The following LRRIQ4 variants were observed in gnomAD, a reference collection of about 807,000 sequenced individuals.
LRRIQ4 encodes leucine-rich repeat and IQ domain-containing protein 4.
A neutral mutation model predicts 40.1 loss-of-function variants in LRRIQ4; 21 were observed. That is an observed-to-expected ratio of 0.52 (90% CI 0.37 to 0.75). LRRIQ4 has a LOEUF of 0.75. Among genes scored for constraint, LRRIQ4 ranks in the 30% least tolerant of loss-of-function variants. The pLI, the probability that LRRIQ4 is intolerant of heterozygous loss-of-function variation, is 0.00. For missense variants in LRRIQ4, 655 were observed against 660.0 expected (o/e 0.99, Z 0.08); for synonymous variants, 277 against 277.1 (o/e 1.00, Z 0.00).
In LRRIQ4 at chr3:169,822,113, C is replaced by G. The variant is rs370504348; in HGVS notation, c.192C>G (p.Pro64=). The change falls in exon 2 of 6, where the codon CCC becomes CCG. Residue 64 remains proline, a synonymous_variant. Coordinates refer to ENST00000340806, the MANE Select transcript of LRRIQ4 (RefSeq NM_001080460.3). The part of the protein sequence containing the change: ...HLENNQIEEI[P]QEIQRLKNIR... ...AGAATAACCAGATTGAAGAAATTCC[C>G]CAGGAGATTCAGCGTTTAAAGAACA... 2.9e-5 allele frequency: 47 copies of G among 1,611,754 alleles called. No individual in the cohort carries two copies. Among genetic ancestry groups the G allele is most frequent in the Non-Finnish European group, 3.3e-5 (39 of 1,179,442 alleles).
Position 169,822,907 on chromosome 3 carries a change from A to G in LRRIQ4, c.986A>G (p.Glu329Gly). The change falls in exon 2 of 6, where the codon GAA (glutamate) becomes GGA (glycine). Residue 329 changes from glutamate to glycine, a missense_variant. Physicochemically the swap from Glu to Gly is moderately conservative, Grantham distance 98. Coordinates refer to ENST00000340806, the MANE Select transcript of LRRIQ4 (RefSeq NM_001080460.3). ...PLQICALKNL[E>G]VLGLDDNKIG... ...CAGATCTGTGCACTGAAGAACCTTG[A>G]AGTCCTGGGACTGGATGACAATAAA... The G allele has an allele frequency of 6.4e-7, 1 of 1,558,388 alleles. No homozygotes were observed. The highest frequency in any genetic ancestry group is 8.7e-7 in the Non-Finnish European group (1 of 1,155,404).
intron 1 of LRRIQ4, among the ~76,000 whole-genome samples, chr3:169,821,654 T>A (rs1779892991): frequency 6.6e-6 from 1 of 151,654 alleles, no homozygotes; most frequent in Non-Finnish European, 1.5e-5. Flanking sequence ...AATAAATAAA[T>A]AAATAAATAA....
At position 169,832,941 on chromosome 3, in the gene LRRIQ4, T is replaced by C. The variant is rs201037119; in HGVS notation, c.1334-46T>C. On this transcript the variant is annotated intron_variant, in intron 4 of 5. Coordinates refer to ENST00000340806, the MANE Select transcript of LRRIQ4 (RefSeq NM_001080460.3). ...GACAGGATTAGGTGACAAGTTAATATTGTTTCTTCTAAGATTGAACCACCA... is the reference window on the plus strand; with the variant it reads ...GACAGGATTAGGTGACAAGTTAATACTGTTTCTTCTAAGATTGAACCACCA... 1.3e-4 allele frequency: 192 copies of C among 1,525,622 alleles called. No homozygotes were observed. In the African/African-American group the frequency reaches 2.4e-3, roughly 19 times the overall value. 94.5% of individuals were successfully genotyped at this position (1,525,622 alleles called of 1,614,324 possible).
chr3:169,820,990 C>CA (rs1378666541), intron 1 of LRRIQ4, among the ~76,000 whole-genome samples: 2 of 152,188 alleles, frequency 1.3e-5, no homozygotes, highest in Admixed American at 6.5e-5. Context: ...AAAAGTTTGG[C>CA]AGGTTTATTC....
At chr3:169,823,726 A>G (rs1345962146) in intron 2 of LRRIQ4, among the ~76,000 whole-genome samples, 1 of 152,198 alleles carries the variant, frequency 6.6e-6, no homozygotes, top group African/African-American at 2.4e-5. Flanking sequence ...CAACAGCCTT[A>G]GAAGCCTAAA....
At chr3:169,823,230 T>C (rs1779957849) in intron 2 of LRRIQ4, among the ~76,000 whole-genome samples, 1 of 152,122 alleles carries the variant, frequency 6.6e-6, no homozygotes, top group Non-Finnish European at 1.5e-5. Context: ...CAATGGTATA[T>C]GAAGGAAGTG....
chr3:169,831,440 ATTTTTTTTTTTTTTTTTTTTTTTTTT>A (rs750864248), intron 4 of LRRIQ4, among the ~76,000 whole-genome samples: 11 of 29,430 alleles, frequency 3.7e-4, no homozygotes, highest in African/African-American at 1.2e-3. Flanking sequence ...CGCCCGGCTA[ATTTTTTTTTTTTTTTTTTTTTTTTTT>A]TTTTTTTTTT....
chr3:169,829,039 A>G, intron 3 of LRRIQ4, 107 bp downstream of exon 3: 1 of 995,904 alleles, frequency 1.0e-6, no homozygotes, highest in East Asian at 2.5e-5. Flanking sequence ...AGAATCATCC[A>G]TACTAGATTT....
chr3:169,831,478 TTTTTTAG>T (rs1780175460), intron 4 of LRRIQ4, among the ~76,000 whole-genome samples: 1 of 87,474 alleles, frequency 1.1e-5, no homozygotes, highest in Non-Finnish European at 2.1e-5. Flanking sequence ...TTTTTTTTTT[TTTTTTAG>T]TAGAGACGGG....
rs755604473 is a variant in LRRIQ4 at position 169,828,838 on chromosome 3, A to G, written c.1100A>G (p.Glu367Gly). The change falls in exon 3 of 6, where the codon GAA becomes GGA. Residue 367 changes from glutamate (E) to glycine (G), a missense_variant. Coordinates refer to ENST00000340806, the MANE Select transcript of LRRIQ4 (RefSeq NM_001080460.3). ...TGNEFLSFPE[E>G]VLSLASLEKL... is the part of the protein sequence containing the mutation. ...AATGAGTTCCTTTCCTTTCCGGAGGAAGTCCTTTCTTTAGCGTCTTTAGAG... is the reference window on the plus strand; with the variant it reads ...AATGAGTTCCTTTCCTTTCCGGAGGGAGTCCTTTCTTTAGCGTCTTTAGAG... 1.5e-5 allele frequency: 24 copies of G among 1,613,822 alleles called. No individual in the cohort carries two copies. Among genetic ancestry groups the G allele is most frequent in the Non-Finnish European group, 1.8e-5 (21 of 1,179,824 alleles).
At chr3:169,820,638 G>A (rs116477107) in intron 1 of LRRIQ4, among the ~76,000 whole-genome samples, 1,728 of 150,640 alleles carry the variant, frequency 0.011, 45 homozygotes, top group African/African-American at 0.041. Context: ...CCGGGTTCAC[G>A]ACATCTTAGC....
At chr3:169,821,171 T>G (rs945286586) in intron 1 of LRRIQ4, among the ~76,000 whole-genome samples, 6 of 152,218 alleles carry the variant, frequency 3.9e-5, no homozygotes, top group Non-Finnish European at 5.9e-5. Context: ...TGTTTTTGTT[T>G]TTGTTTTAGC....
intron 1 of LRRIQ4, among the ~76,000 whole-genome samples, chr3:169,821,089 G>C (rs1488547148): frequency 6.6e-6 from 1 of 152,224 alleles, no homozygotes; most frequent in African/African-American, 2.4e-5. Flanking sequence ...TCAGGCATGA[G>C]AGGGTCTACT....
chr3:169,834,767 G>A (rs9827846), intron 5 of LRRIQ4, among the ~76,000 whole-genome samples: 6,890 of 152,004 alleles, frequency 0.045, 378 homozygotes, highest in African/African-American at 0.13. Flanking sequence ...AAGGTTTTAT[G>A]TATACACATA....
chr3:169,834,688 T>C (rs2108187238), intron 5 of LRRIQ4, among the ~76,000 whole-genome samples: 1 of 152,326 alleles, frequency 6.6e-6, no homozygotes, highest in Non-Finnish European at 1.5e-5. Context: ...ATAGGCAGAA[T>C]TTTTATATCA....
chr3:169,834,949 T>A (rs554790622), intron 5 of LRRIQ4, among the ~76,000 whole-genome samples: 1 of 152,284 alleles, frequency 6.6e-6, no homozygotes, highest in South Asian at 2.1e-4. Context: ...TAGGATTTTT[T>A]AGAACAGTGT....
intron 2 of LRRIQ4, among the ~76,000 whole-genome samples, chr3:169,825,488 G>A (rs762143688): frequency 1.3e-5 from 2 of 152,166 alleles, no homozygotes; most frequent in South Asian, 2.1e-4. Context: ...TTGAGGTTCC[G>A]TGAGAGCCCG....
At chr3:169,818,698 A>T (rs1009852671) in intron 1 of LRRIQ4, among the ~76,000 whole-genome samples, 20 of 152,076 alleles carry the variant, frequency 1.3e-4, no homozygotes, top group Admixed American at 1.2e-3. Flanking sequence ...ATATTCTGCC[A>T]CTCTTTATTA....
At chr3:169,817,449 G>T (rs1022697591) in intron 1 of LRRIQ4, among the ~76,000 whole-genome samples, 1 of 152,194 alleles carries the variant, frequency 6.6e-6, no homozygotes, top group Non-Finnish European at 1.5e-5. Flanking sequence ...AGGTACATTT[G>T]GTCTATAGTG....
Sources: allele counts gnomAD v4.1 joint callset (sites outside exome capture counted in the v4.1 genomes callset), GRCh38; gene constraint gnomAD v4.1.1; transcripts MANE v1.5; gene names NCBI Gene and HGNC (gene_info 2026-07-23, HGNC 2026-07-21).